Variants in GALNT13 observed in about 807,000 individuals in gnomAD.
GALNT13 encodes UDP-GalNAc:polypeptide N-acetylgalactosaminyltransferase 13.
A neutral mutation model predicts 64.2 loss-of-function variants in GALNT13; 28 were observed. That is an observed-to-expected ratio of 0.44 (90% CI 0.32 to 0.60). GALNT13 has a LOEUF of 0.60. Ranked by LOEUF, GALNT13 falls within the 20% of genes least tolerant of loss-of-function variation. GALNT13 has a pLI of 0.05. For missense variants in GALNT13, 577 were observed against 669.8 expected, an observed-to-expected ratio of 0.86 and a Z score of 1.53; for synonymous variants, 214 against 224.6, an observed-to-expected ratio of 0.95 and a Z score of 0.42.
the GALNT13 span, among the ~76,000 whole-genome samples, chr2:153,670,527 A>G: frequency 6.6e-6 from 1 of 152,208 alleles, no homozygotes; most frequent in African/African-American, 2.4e-5. Flanking sequence ...GGACATCTAC[A>G]CCAAAACCCT....
chr2:153,854,003 G>C, the GALNT13 span, among the ~76,000 whole-genome samples: 1 of 151,686 alleles, frequency 6.6e-6, no homozygotes, highest in East Asian at 1.9e-4. Flanking sequence ...ATATACATAT[G>C]CCAGATTCAT....
At chr2:153,745,669 G>A in the GALNT13 span, among the ~76,000 whole-genome samples, 287 of 152,198 alleles carry the variant, frequency 1.9e-3, 1 homozygote, top group African/African-American at 5.9e-3. Context: ...TTAAGCATAG[G>A]TTAACATAGG....
At chr2:154,001,739 A>G (rs889266101) in intron 3 of GALNT13, among the ~76,000 whole-genome samples, 22 of 152,036 alleles carry the variant, frequency 1.4e-4, no homozygotes, top group South Asian at 1.0e-3. Context: ...CTTAATTTGT[A>G]TGCTTTTACC....
chr2:154,245,482 A>G (rs1156604707), intron 6 of GALNT13, among the ~76,000 whole-genome samples: 1 of 152,212 alleles, frequency 6.6e-6, no homozygotes, highest in Non-Finnish European at 1.5e-5. Context: ...ATTATAGCTA[A>G]AATGATGCAT....
chr2:153,410,961 A>G, the GALNT13 span, among the ~76,000 whole-genome samples: 1 of 151,634 alleles, frequency 6.6e-6, no homozygotes, highest in Non-Finnish European at 1.5e-5. Flanking sequence ...ACTCTGTCTA[A>G]TCATCTCAAA....
chr2:153,311,316 G>A, the GALNT13 span, among the ~76,000 whole-genome samples: 16,493 of 152,154 alleles, frequency 0.11, 1,062 homozygotes, highest in East Asian at 0.17. Context: ...CTTGGAAGAC[G>A]CAAATGGAAG....
chr2:153,625,361 TACAA>T, the GALNT13 span, among the ~76,000 whole-genome samples: 2 of 152,122 alleles, frequency 1.3e-5, no homozygotes, highest in East Asian at 1.9e-4. Flanking sequence ...TAATAATTAC[TACAA>T]ACAAACACTT....
the GALNT13 span, among the ~76,000 whole-genome samples, chr2:153,291,989 G>C: frequency 6.6e-6 from 1 of 152,088 alleles, no homozygotes; most frequent in African/African-American, 2.4e-5. Context: ...GAAGCATTTT[G>C]AAAAAGGAAA....
chr2:153,608,076 T>G, the GALNT13 span, among the ~76,000 whole-genome samples: 315 of 152,280 alleles, frequency 2.1e-3, 2 homozygotes, highest in African/African-American at 6.9e-3. Context: ...TGAATAAGCA[T>G]CAGGGACTTT....
At chr2:153,478,414 A>G in the GALNT13 span, 6 of 1,614,118 alleles carry the variant, frequency 3.7e-6, no homozygotes, top group African/African-American at 1.3e-5. Flanking sequence ...CATTATGTAC[A>G]GGCTACGCTC....
the GALNT13 span, among the ~76,000 whole-genome samples, chr2:153,518,293 T>A: frequency 5.4e-4 from 82 of 152,300 alleles, 1 homozygote; most frequent in East Asian, 0.013. Flanking sequence ...ATCTGTCTCC[T>A]TGTTTAGTGC....
chr2:153,577,170 T>C, the GALNT13 span, among the ~76,000 whole-genome samples: 1 of 152,140 alleles, frequency 6.6e-6, no homozygotes, highest in Non-Finnish European at 1.5e-5. Context: ...AGCATGACAT[T>C]TTTAGAGAAA....
intron 9 of GALNT13, among the ~76,000 whole-genome samples, chr2:154,382,401 C>T (rs151200477): frequency 9.7e-4 from 147 of 152,158 alleles, no homozygotes; most frequent in African/African-American, 3.4e-3. Context: ...GAGAAGTTCT[C>T]ATACCAAGCA....
intron 2 of GALNT13, among the ~76,000 whole-genome samples, chr2:153,933,133 G>C (rs1314410021): frequency 6.6e-6 from 1 of 152,014 alleles, no homozygotes; most frequent in East Asian, 1.9e-4. Context: ...TGTCTGTTAG[G>C]TACATTTGGT....
chr2:154,263,872 A>G (rs187230863), intron 8 of GALNT13, among the ~76,000 whole-genome samples: 1 of 152,230 alleles, frequency 6.6e-6, no homozygotes, highest in African/African-American at 2.4e-5. Flanking sequence ...ACAAAAATAC[A>G]TGAAATAACA....
chr2:153,806,421 CAG>C, the GALNT13 span, among the ~76,000 whole-genome samples: 8 of 151,900 alleles, frequency 5.3e-5, no homozygotes, highest in Non-Finnish European at 1.0e-4. Context: ...GAATAAATAA[CAG>C]AGGAGAAGCG....
At chr2:153,501,902 C>A in the GALNT13 span, among the ~76,000 whole-genome samples, 1 of 152,046 alleles carries the variant, frequency 6.6e-6, no homozygotes, top group East Asian at 1.9e-4. Flanking sequence ...CTCTTATTAC[C>A]CAACCTTAGC....
intron 4 of GALNT13, among the ~76,000 whole-genome samples, chr2:154,218,349 G>T (rs1425639724): frequency 6.6e-6 from 1 of 151,934 alleles, no homozygotes; most frequent in African/African-American, 2.4e-5. Flanking sequence ...CTGACTCTTG[G>T]CCTGTGAACA....
At chr2:154,231,383 G>T (rs984846054) in intron 4 of GALNT13, among the ~76,000 whole-genome samples, 5 of 152,004 alleles carry the variant, frequency 3.3e-5, no homozygotes, top group Admixed American at 6.6e-5. Flanking sequence ...CCTCTTCAAA[G>T]CACTCACCTT....
Sources: allele counts gnomAD v4.1 joint callset (sites outside exome capture counted in the v4.1 genomes callset), GRCh38; gene constraint gnomAD v4.1.1; transcripts MANE v1.5; gene names NCBI Gene and HGNC (gene_info 2026-07-23, HGNC 2026-07-21).